TG: variants seen among roughly 807,000 people sequenced by gnomAD.
TG encodes thyroglobulin, also known as thyroid hormones.
Under a neutral mutation model 324.7 loss-of-function variants are expected in TG, and 270 were observed. The observed-to-expected ratio is 0.83, with a 90% CI of 0.75 to 0.92. TG has a LOEUF of 0.92. Ranked by LOEUF, TG falls within the 40% of genes least tolerant of loss-of-function variation. The pLI, the probability that TG is intolerant of heterozygous loss-of-function variation, is 0.00. For synonymous variants in TG, 1,401 were observed against 1,327.0 expected (o/e 1.06, Z -1.21); for missense variants, 3,591 against 3,456.4 (o/e 1.04, Z -0.98).
chr8:133,060,675 G>C (rs1842242782), intron 41 of TG, among the ~76,000 whole-genome samples: 1 of 152,194 alleles, frequency 6.6e-6, no homozygotes, highest in Non-Finnish European at 1.5e-5. Context: ...TTTTGAGTTT[G>C]TCAGCATGCT....
intron 45 of TG, among the ~76,000 whole-genome samples, chr8:133,127,587 C>G (rs961565289): frequency 6.6e-6 from 1 of 152,166 alleles, no homozygotes; most frequent in African/African-American, 2.4e-5. Context: ...GAGTTCCCAG[C>G]CCTTTTAAAA....
intron 41 of TG, among the ~76,000 whole-genome samples, chr8:133,053,697 A>G (rs1840849101): frequency 6.6e-6 from 1 of 152,218 alleles, no homozygotes; most frequent in South Asian, 2.1e-4. Context: ...TAACATTAAA[A>G]ACAAAAACCA....
At chr8:132,997,312 C>G (rs567123966) in intron 35 of TG, among the ~76,000 whole-genome samples, 1 of 152,238 alleles carries the variant, frequency 6.6e-6, no homozygotes, top group African/African-American at 2.4e-5. Flanking sequence ...TTTCAACATC[C>G]TGAGCTTAAA....
intron 25 of TG, among the ~76,000 whole-genome samples, chr8:132,939,556 T>C (rs1824115069): frequency 6.6e-6 from 1 of 152,156 alleles, no homozygotes; most frequent in Non-Finnish European, 1.5e-5. Context: ...GAGCCAATGC[T>C]TGGAGGGAGA....
intron 37 of TG, among the ~76,000 whole-genome samples, chr8:133,017,438 A>T (rs1835139569): frequency 6.6e-6 from 1 of 151,916 alleles, no homozygotes; most frequent in Admixed American, 6.6e-5. Flanking sequence ...TCCCCAGGGG[A>T]TTGGGTGTTG....
chr8:133,033,190 A>G (rs750118722), intron 41 of TG, among the ~76,000 whole-genome samples: 2 of 152,240 alleles, frequency 1.3e-5, no homozygotes, highest in Non-Finnish European at 2.9e-5. Flanking sequence ...GATGAATTGT[A>G]TTTCCCAAGG....
In TG at chr8:133,029,964, A is replaced by G. The variant is rs1396080645; in HGVS notation, c.7180A>G (p.Ile2394Val). Residue 2394 changes from isoleucine to valine, a missense_variant, in exon 41 of 48, where the codon ATC (isoleucine) becomes GTC (valine). Coordinates refer to ENST00000220616, the MANE Select transcript of TG (RefSeq NM_003235.5). ...ADRGGADVAS[I>V]HLLTARATNS... ...CCGTGGCGGGGCTGATGTGGCCAGCATCCACCTTCTCACGGCCAGGGCCAC... is the reference window on the plus strand; with the variant it reads ...CCGTGGCGGGGCTGATGTGGCCAGCGTCCACCTTCTCACGGCCAGGGCCAC... The G allele has an allele frequency of 6.2e-7, 1 of 1,614,192 alleles. No homozygotes were observed.
intron 41 of TG, among the ~76,000 whole-genome samples, chr8:133,070,847 C>T (rs1253040677): frequency 1.3e-5 from 2 of 152,214 alleles, no homozygotes; most frequent in African/African-American, 4.8e-5. Flanking sequence ...TGAAGTTGTC[C>T]CTTCTCTCTG....
At position 132,886,307 on chromosome 8, in the gene TG, C is replaced by T; in HGVS notation, c.1076-141C>T. On this transcript the variant is annotated intron_variant, in intron 8 of 47. Coordinates refer to ENST00000220616, the MANE Select transcript of TG (RefSeq NM_003235.5). ...CAGGGGAAAGGAAAAAATAAAATGACACAGAGAAGAAAGTGGTTTCAAACG... is the reference window on the plus strand; with the variant it reads ...CAGGGGAAAGGAAAAAATAAAATGATACAGAGAAGAAAGTGGTTTCAAACG... 3.3e-6 allele frequency: 4 copies of T among 1,218,180 alleles called. No individual in the cohort carries two copies. In the South Asian group the frequency reaches 5.4e-5, roughly 16 times the overall value. The allele number at this position is 1,218,180 out of a possible 1,614,324, so 75.5% of individuals were successfully genotyped here.
At chr8:132,992,109 G>T (rs1208371768) in intron 35 of TG, among the ~76,000 whole-genome samples, 2 of 152,172 alleles carry the variant, frequency 1.3e-5, no homozygotes, top group East Asian at 3.9e-4. Flanking sequence ...CCTTTGTTCA[G>T]TTGCTTATTC....
chr8:132,901,523 C>T lies in TG; in HGVS notation c.3604C>T (p.Arg1202Cys), dbSNP rs367767514. 66 of 1,613,672 alleles carry T rather than the reference C, an allele frequency of 4.1e-5. No homozygotes were observed. Among genetic ancestry groups the T allele is most frequent in the African/African-American group, 1.7e-4 (13 of 75,050 alleles). ...MDSGEEVPGT[R>C]VTGGQPACES... ...CAGCGGAGAAGAGGTGCCTGGGACGCGCGTGACCGGGGGCCAGCCCGCCTG... is the reference window on the plus strand; with the variant it reads ...CAGCGGAGAAGAGGTGCCTGGGACGTGCGTGACCGGGGGCCAGCCCGCCTG... Residue 1202 changes from arginine to cysteine, a missense_variant, in exon 16 of 48, where the codon CGC (arginine) becomes TGC (cysteine). Transcript: ENST00000220616.
chr8:133,050,615 AG>A (rs1487851300), intron 41 of TG: 2 of 519,928 alleles, frequency 3.8e-6, no homozygotes, highest in Non-Finnish European at 6.8e-6. Flanking sequence ...TTGATCTACC[AG>A]GCAGTGGGGA....
chr8:133,077,853 A>G (rs1845146062), intron 41 of TG, among the ~76,000 whole-genome samples: 1 of 151,972 alleles, frequency 6.6e-6, no homozygotes, highest in African/African-American at 2.4e-5. Context: ...GACCCCCTAG[A>G]CAGCAGGAGC....
chr8:133,111,909 G>A (rs1850274568), intron 43 of TG, among the ~76,000 whole-genome samples: 1 of 152,248 alleles, frequency 6.6e-6, no homozygotes, highest in Non-Finnish European at 1.5e-5. Context: ...TCATCCTGAA[G>A]GATCAGTTAG....
intron 35 of TG, among the ~76,000 whole-genome samples, chr8:133,007,817 T>G (rs1587746425): frequency 6.7e-6 from 1 of 148,632 alleles, no homozygotes; most frequent in African/African-American, 2.5e-5. Flanking sequence ...GAGCCTGGAG[T>G]GTTGAGGCAG....
chr8:132,986,159 TCA>T (rs982952410), intron 35 of TG, among the ~76,000 whole-genome samples: 9 of 152,002 alleles, frequency 5.9e-5, no homozygotes, highest in Non-Finnish European at 1.2e-4. Context: ...AGAAAGAAAA[TCA>T]CAGTTATTTA....
chr8:133,071,401 A>G (rs1367050696), intron 41 of TG, among the ~76,000 whole-genome samples: 1 of 152,138 alleles, frequency 6.6e-6, no homozygotes, highest in East Asian at 1.9e-4. Flanking sequence ...CTTAGGCCTG[A>G]GGAAAGGGAT....
At position 133,022,053 on chromosome 8, in the gene TG, A is replaced by T. The variant is rs1374993780; in HGVS notation, c.6939A>T (p.Gly2313=). 1 of 1,614,154 alleles carries T rather than the reference A, an allele frequency of 6.2e-7. No individual in the cohort carries two copies. The highest frequency in any genetic ancestry group is 1.7e-5 in the Admixed American group (1 of 60,030). Residue 2313 remains glycine (G), a synonymous_variant, in exon 40 of 48, where the codon GGA becomes GGT. Transcript: ENST00000220616. ...CCATGGACAGGGAGGAGAGTGAAGG[A>T]TGGCCGGCTATCGACGGCTCCTTCT... ...HNTMDREESE[G]WPAIDGSFLA...
At chr8:133,030,297 C>G (rs1836507067) in intron 41 of TG, among the ~76,000 whole-genome samples, 2 of 152,150 alleles carry the variant, frequency 1.3e-5, no homozygotes, top group Non-Finnish European at 2.9e-5. Flanking sequence ...ATTTAGTGAT[C>G]TGAACCATCA....
Sources: allele counts gnomAD v4.1 joint callset (sites outside exome capture counted in the v4.1 genomes callset), GRCh38; gene constraint gnomAD v4.1.1; transcripts MANE v1.5; gene names NCBI Gene and HGNC (gene_info 2026-07-23, HGNC 2026-07-21).